The following CNTNAP2 variants were observed in gnomAD, a reference collection of about 807,000 sequenced individuals.
The protein encoded by CNTNAP2 is contactin associated protein 2.
In CNTNAP2, 98 loss-of-function variants were observed where a neutral mutation model predicts 155.2. The observed-to-expected ratio is 0.63, with a 90% CI of 0.54 to 0.75. The LOEUF is 0.75. Among genes scored for constraint, CNTNAP2 ranks in the 30% least tolerant of loss-of-function variants. The pLI is 0.00. For missense variants in CNTNAP2, 1,727 were observed against 1,688.1 expected, an observed-to-expected ratio of 1.02 and a Z score of -0.40; for synonymous variants, 651 against 631.2, an observed-to-expected ratio of 1.03 and a Z score of -0.47.
chr7:147,766,161 T>C (rs1797380168), intron 13 of CNTNAP2, among the ~76,000 whole-genome samples: 1 of 152,148 alleles, frequency 6.6e-6, no homozygotes, highest in South Asian at 2.1e-4. Context: ...CACAGATGTA[T>C]GCATTTATCA....
In CNTNAP2 at chr7:146,383,940, T is replaced by C. The variant is rs1487399258; in HGVS notation, c.97+266967T>C. On this transcript the variant is annotated intron_variant, in intron 1 of 23. Transcript: ENST00000361727. ...TAAGTATCAATGAATTAGGTTAATT[T>C]TTTCATAGAGAATGGAAAAATCTTA... 3.9e-5 allele frequency among the ~76,000 whole-genome samples: 6 copies of C among 152,170 alleles called. No homozygotes were observed. The East Asian group carries it at 1.2e-3, about 29-fold the overall frequency.
intron 1 of CNTNAP2, among the ~76,000 whole-genome samples, chr7:146,468,962 C>T (rs1796755386): frequency 6.6e-6 from 1 of 152,114 alleles, no homozygotes; most frequent in South Asian, 2.1e-4. Flanking sequence ...AAAAGAGGCA[C>T]AGGATACTGT....
At chr7:146,561,835 G>C (rs926672369) in intron 1 of CNTNAP2, among the ~76,000 whole-genome samples, 2 of 152,094 alleles carry the variant, frequency 1.3e-5, no homozygotes, top group Non-Finnish European at 2.9e-5. Context: ...TGTTGCCCAG[G>C]TCATAATACA....
intron 15 of CNTNAP2, among the ~76,000 whole-genome samples, chr7:148,068,086 G>A (rs2116524226): frequency 6.6e-6 from 1 of 152,262 alleles, no homozygotes; most frequent in Non-Finnish European, 1.5e-5. Context: ...AGCTGAGAAA[G>A]CAAGCAGGAC....
chr7:146,458,899 C>T (rs1271510854), intron 1 of CNTNAP2, among the ~76,000 whole-genome samples: 1 of 152,078 alleles, frequency 6.6e-6, no homozygotes, highest in Non-Finnish European at 1.5e-5. Context: ...GAGCTAATTC[C>T]TTATAATATG....
chr7:146,496,828 A>G (rs1019711132), intron 1 of CNTNAP2, among the ~76,000 whole-genome samples: 1 of 152,214 alleles, frequency 6.6e-6, no homozygotes, highest in Non-Finnish European at 1.5e-5. Flanking sequence ...GGAAGTCAGC[A>G]GTCTATCTTT....
intron 5 of CNTNAP2, among the ~76,000 whole-genome samples, chr7:147,110,793 G>A (rs1038206075): frequency 3.9e-5 from 6 of 152,120 alleles, no homozygotes; most frequent in African/African-American, 1.4e-4. Flanking sequence ...CATTTAGGTT[G>A]ATTTCATGTC....
At chr7:147,990,820 A>T (rs1238187761) in intron 15 of CNTNAP2, among the ~76,000 whole-genome samples, 1 of 152,118 alleles carries the variant, frequency 6.6e-6, no homozygotes, top group Non-Finnish European at 1.5e-5. Flanking sequence ...TCAATGATTT[A>T]TTGGGATCTC....
chr7:146,523,992 CTG>C (rs1797652389), intron 1 of CNTNAP2, among the ~76,000 whole-genome samples: 1 of 152,118 alleles, frequency 6.6e-6, no homozygotes. Context: ...GAGCAAAACT[CTG>C]TGGCACATTC....
At chr7:146,479,529 G>A (rs1796928504) in intron 1 of CNTNAP2, among the ~76,000 whole-genome samples, 1 of 151,862 alleles carries the variant, frequency 6.6e-6, no homozygotes, top group African/African-American at 2.4e-5. Context: ...TAATAAATGA[G>A]ATTATTCTTA....
At chr7:146,622,883 G>C (rs1585011685) in intron 1 of CNTNAP2, among the ~76,000 whole-genome samples, 1 of 151,218 alleles carries the variant, frequency 6.6e-6, no homozygotes, top group Non-Finnish European at 1.5e-5. Context: ...CTTGAACTCG[G>C]CCAGCGGAGG....
At chr7:146,928,155 A>G (rs1413531918) in intron 3 of CNTNAP2, among the ~76,000 whole-genome samples, 1 of 152,028 alleles carries the variant, frequency 6.6e-6, no homozygotes, top group Non-Finnish European at 1.5e-5. Context: ...TTGTAAAACA[A>G]TGACCAGTGT....
intron 15 of CNTNAP2, among the ~76,000 whole-genome samples, chr7:148,054,011 C>T (rs1039199103): frequency 2.1e-5 from 3 of 143,278 alleles, no homozygotes; most frequent in South Asian, 2.2e-4. Context: ...CTAGCTCTGT[C>T]GCCCAGGCTG....
intron 1 of CNTNAP2, among the ~76,000 whole-genome samples, chr7:146,220,891 T>C (rs1272208684): frequency 6.6e-6 from 1 of 152,244 alleles, no homozygotes; most frequent in Non-Finnish European, 1.5e-5. Flanking sequence ...TTTGTTGCAC[T>C]GCTTTCTGTT....
intron 1 of CNTNAP2, among the ~76,000 whole-genome samples, chr7:146,170,553 T>C (rs1299073737): frequency 1.3e-5 from 2 of 152,154 alleles, no homozygotes; most frequent in Non-Finnish European, 2.9e-5. Context: ...TCACCACTAA[T>C]ATTTTTAAAT....
chr7:146,834,225 C>A (rs1473267223), intron 2 of CNTNAP2, among the ~76,000 whole-genome samples: 1 of 152,152 alleles, frequency 6.6e-6, no homozygotes, highest in Non-Finnish European at 1.5e-5. Flanking sequence ...CTAAACCACC[C>A]ACTAAATTCC....
chr7:147,640,895 G>A (rs1298642722), intron 13 of CNTNAP2, among the ~76,000 whole-genome samples: 2 of 152,138 alleles, frequency 1.3e-5, no homozygotes, highest in Non-Finnish European at 2.9e-5. Flanking sequence ...GAATTGGTTT[G>A]ACCGGGCACG....
intron 2 of CNTNAP2, among the ~76,000 whole-genome samples, chr7:146,777,192 C>T (rs1246929152): frequency 7.2e-6 from 1 of 139,016 alleles, no homozygotes; most frequent in Admixed American, 7.2e-5. Flanking sequence ...GTTGTCTGTC[C>T]TATAGATATA....
intron 1 of CNTNAP2, among the ~76,000 whole-genome samples, chr7:146,162,189 G>A (rs1798234284): frequency 1.3e-5 from 2 of 152,156 alleles, no homozygotes; most frequent in South Asian, 4.1e-4. Flanking sequence ...AAGAGCTTCT[G>A]CACAGCAAAA....
Sources: gnomAD v4.1 joint callset for allele counts (sites outside exome capture counted in the v4.1 genomes callset) on GRCh38, gnomAD v4.1.1 for gene constraint, MANE v1.5 for transcripts, NCBI Gene and HGNC (gene_info 2026-07-23, HGNC 2026-07-21) for gene names.